PKD1: variants seen among roughly 807,000 people sequenced by gnomAD.
The protein encoded by PKD1 is polycystin-1.
A neutral mutation model predicts 361.7 loss-of-function variants in PKD1; 81 were observed. The ratio of observed to expected loss-of-function variants is 0.22; its 90% CI spans 0.19 to 0.27. The LOEUF is 0.27. Among genes scored for constraint, PKD1 ranks in the 10% least tolerant of loss-of-function variants. The probability of loss-of-function intolerance (pLI) is 1.00; values close to 1 mark genes in which losing one functional copy is unlikely to be tolerated. For synonymous variants in PKD1, 3,615 were observed against 2,818.3 expected (o/e 1.28, Z -8.95); for missense variants, 6,399 against 6,118.3 (o/e 1.05, Z -1.53).
chr16:2,103,397 T>G lies in PKD1; in HGVS notation c.8660A>C (p.His2887Pro). The G allele has an allele frequency of 6.3e-7, 1 of 1,599,650 alleles. No individual in the cohort carries two copies. The highest frequency in any genetic ancestry group is 8.5e-7 in the Non-Finnish European group (1 of 1,179,424). ...GTTGGCGGAGTTGGCGGAGCTGCGG[T>G]GGCCCCGGGCAGCCCAGTCCGAGTT... Reference protein sequence around the residue: ...PNNSDWAARGHRSSANSANSV... With the variant: ...PNNSDWAARGPRSSANSANSV... Residue 2887 changes from histidine to proline, a missense_variant, in exon 23 of 46, where the codon CAC becomes CCC. Transcript: ENST00000262304.
chr16:2,089,718 G>A lies in PKD1; in HGVS notation c.*9C>T, dbSNP rs367762249. On this transcript the variant is annotated 3_prime_UTR_variant, in exon 46 of 46. Transcript: ENST00000262304. ...CGACTCCACGGCCCACCCCCGCCAG[G>A]AAGGAGGACTAAGTGCTGCTGGGGT... is the stretch of plus-strand genomic sequence containing the variant. 2 of 1,574,418 alleles carry A rather than the reference G, an allele frequency of 1.3e-6. No individual in the cohort carries two copies. Among genetic ancestry groups the A allele is most frequent in the Admixed American group, 1.9e-5 (1 of 53,200 alleles).
chr16:2,100,078 G>A lies in PKD1; in HGVS notation c.9713-7C>T. On this transcript the variant is annotated splice_polypyrimidine_tract_variant and splice_region_variant and intron_variant, in intron 28 of 45. Transcript: ENST00000262304. This position sits in a 1 kb window ranked among gnomAD's most constrained non-coding sequence, Gnocchi z 4.4. ...CGCAAAAGGGCTGCGTCGCCTAGAA[G>A]GCAGGGAGGGCCGCACTGCAGGAGG... is the stretch of plus-strand genomic sequence containing the variant. The A allele has an allele frequency of 3.1e-6, 5 of 1,602,830 alleles. No individual in the cohort carries two copies. The highest frequency in any genetic ancestry group is 1.3e-5 in the African/African-American group (1 of 74,782).
intron 1 of PKD1, chr16:2,120,082 C>T (rs1461979522): frequency 6.1e-5 from 35 of 572,948 alleles, no homozygotes; most frequent in Middle Eastern, 4.6e-4. Flanking sequence ...TGGCGGCATG[C>T]GCCTGGGGTC....
Position 2,104,363 on chromosome 16 carries a change from T to G in PKD1, c.8161+135A>C, listed in dbSNP as rs1404140874. On this transcript the variant is annotated intron_variant, in intron 22 of 45. Coordinates refer to ENST00000262304, the MANE Select transcript of PKD1 (RefSeq NM_001009944.3). ...GAGAATGGGAATTGGGGGAGGGGGA[T>G]GAGGATGGGAATTGGGGGGAGGGGA... 670 of 437,606 alleles carry G rather than the reference T, an allele frequency of 1.5e-3. 10 individuals are homozygous for G. Among genetic ancestry groups the G allele is most frequent in the South Asian group, 8.0e-3 (398 of 49,844 alleles). The allele number at this position is 437,606 out of a possible 1,614,324, so 27.1% of individuals were successfully genotyped here. A position where few individuals can be genotyped will look rare whatever the true frequency, so the allele number is the denominator to read the frequency against.
chr16:2,112,272 G>T, intron 14 of PKD1, 68 bp downstream of exon 14: 3 of 1,382,006 alleles, frequency 2.2e-6, no homozygotes, highest in East Asian at 2.4e-5. Flanking sequence ...CAGCTTGACT[G>T]GGGAGCTGGG....
chr16:2,130,360 T>G (rs2092857277), intron 1 of PKD1, among the ~76,000 whole-genome samples: 1 of 152,122 alleles, frequency 6.6e-6, no homozygotes, highest in Non-Finnish European at 1.5e-5. Context: ...TTGGGGACTC[T>G]CTCTGGGCAG....
chr16:2,095,441 C>T (rs1256958920), intron 34 of PKD1: 2 of 152,208 alleles, frequency 1.3e-5, no homozygotes, highest in African/African-American at 2.4e-5. Context: ...AATAACCCAG[C>T]CTCAACTATT....
rs1317093765 is a variant in PKD1, at chr16:2,091,840, G to C, written c.11478C>G (p.Ser3826Arg). 1.2e-6 allele frequency: 2 copies of C among 1,610,192 alleles called. No individual in the cohort carries two copies. Among genetic ancestry groups the C allele is most frequent in the Non-Finnish European group, 1.7e-6 (2 of 1,179,078 alleles). ...GCAGCCGGTCGCGGCTCTCCTCCAGGCTCAGGCCCAGCTCCTGCACGTAGC... is the reference window on the plus strand; with the variant it reads ...GCAGCCGGTCGCGGCTCTCCTCCAGCCTCAGGCCCAGCTCCTGCACGTAGC... Reference protein sequence around the residue: ...SGGYVQELGLSLEESRDRLRF... With the variant: ...SGGYVQELGLRLEESRDRLRF... Residue 3826 changes from serine (S) to arginine (R), a missense_variant, in exon 41 of 46, where the codon AGC (serine) becomes AGG (arginine). Coordinates refer to ENST00000262304, the MANE Select transcript of PKD1 (RefSeq NM_001009944.3).
chr16:2,097,295 C>G, intron 33 of PKD1, 24 bp downstream of exon 33: 1 of 1,611,300 alleles, frequency 6.2e-7, no homozygotes, highest in Non-Finnish European at 8.5e-7. Context: ...AGCTTCAGAG[C>G]CCCCTCCTCT....
intron 37 of PKD1, 96 bp from the exon 38 acceptor site, chr16:2,093,189 G>C (rs560694208): frequency 1.4e-6 from 2 of 1,467,638 alleles, no homozygotes; most frequent in Non-Finnish European, 1.9e-6. Context: ...GGCAGGTGTG[G>C]CTGCAGGAAG....
Position 2,091,136 on chromosome 16 carries a change from G to GGCCA in PKD1, c.11747_11750dup (p.Glu3918GlyfsTer44). The GGCCA allele has an allele frequency of 6.7e-7, 1 of 1,483,028 alleles. No individual in the cohort carries two copies. The allele number at this position is 1,483,028 out of a possible 1,614,324, so 91.9% of individuals were successfully genotyped here. ...CTTCCCTGTGCCAAGTACGGGCCTC[G>GGCCA]GCCACGGCGAAGTGCACGGCGAACA... On this transcript the variant is annotated frameshift_variant, in exon 43 of 46. Coordinates refer to ENST00000262304, the MANE Select transcript of PKD1 (RefSeq NM_001009944.3). LOFTEE classifies it high-confidence loss of function.
rs2092321567 is a variant in PKD1, at chr16:2,105,928, C to T, written c.7800G>A (p.Leu2600=). 6.3e-7 allele frequency: 1 copy of T among 1,597,556 alleles called. No homozygotes were observed. The highest frequency in any genetic ancestry group is 1.3e-5 in the African/African-American group (1 of 74,858). The change falls in exon 20 of 46, where the codon CTG becomes CTA. Residue 2600 remains leucine, a synonymous_variant. Coordinates refer to ENST00000262304, the MANE Select transcript of PKD1 (RefSeq NM_001009944.3). The part of the protein sequence containing the change: ...GLTASVLPGL[L]RQADPQHVIE... ...TGACGTGCTGGGGATCGGCCTGCCG[C>T]AGCAGCCCTGGGAGCACACTAGCGG...
intron 21 of PKD1, 52 bp downstream of exon 21, chr16:2,105,270 C>A (rs1222076616): frequency 1.3e-6 from 2 of 1,581,972 alleles, no homozygotes; most frequent in Non-Finnish European, 1.7e-6. Flanking sequence ...GGGGCTGAAC[C>A]CAGTGCCCTG....
At chr16:2,129,785 A>C (rs1280019960) in intron 1 of PKD1, among the ~76,000 whole-genome samples, 1 of 151,494 alleles carries the variant, frequency 6.6e-6, no homozygotes, top group Non-Finnish European at 1.5e-5. Context: ...TCCTGGGCTC[A>C]AGCGATCCAC....
In PKD1 at chr16:2,101,907, C is replaced by T. The variant is rs568364201; in HGVS notation, c.9397+154G>A. 297 of 657,830 alleles carry T rather than the reference C, an allele frequency of 4.5e-4. 2 individuals carry two copies. In the African/African-American group the frequency reaches 4.6e-3, roughly 10 times the overall value. The allele number at this position is 657,830 out of a possible 1,614,324, so 40.7% of individuals were successfully genotyped here. A position where few individuals can be genotyped will look rare whatever the true frequency, so the allele number is the denominator to read the frequency against. On this transcript the variant is annotated intron_variant, in intron 26 of 45. Transcript: ENST00000262304. ...AGTCCTCAGGGACAGTGAGTGCTCA[C>T]GAGGTCATTCCCAGGATGAACACAC...
Position 2,089,789 on chromosome 16 carries a change from C to A in PKD1, c.12850G>T (p.Ala4284Ser), listed in dbSNP as rs115858043. 1 of 1,597,648 alleles carries A rather than the reference C, an allele frequency of 6.3e-7. No homozygotes were observed. The highest frequency in any genetic ancestry group is 8.5e-7 in the Non-Finnish European group (1 of 1,173,252). ...LARASRGVDL[A>S]TGPSRTPLRA... ...AGGGGTGTCCTGCTGGGGCCAGTGG[C>A]CAGGTCCACACCCCGACTGGCCCGG... The change falls in exon 46 of 46, where the codon GCC (alanine) becomes TCC (serine). Residue 4284 changes from alanine (A) to serine (S), a missense_variant. Physicochemically the swap from Ala to Ser is moderately conservative, Grantham distance 99. Coordinates refer to ENST00000262304, the MANE Select transcript of PKD1 (RefSeq NM_001009944.3).
Position 2,091,385 on chromosome 16 carries a change from C to G in PKD1, c.11712+38G>C, listed in dbSNP as rs2091565705. On this transcript the variant is annotated intron_variant, in intron 42 of 45. Transcript: ENST00000262304. ...GCCCCGCGAGGGGGCGGGACGCTGC[C>G]GGTGGGAGGCGCGGGGTCTGGCCGG... 3 of 1,061,046 alleles carry G rather than the reference C, an allele frequency of 2.8e-6. No homozygotes were observed. The African/African-American group carries it at 6.3e-5, about 22-fold the overall frequency. 65.7% of individuals were successfully genotyped at this position (1,061,046 alleles called of 1,614,324 possible).
intron 1 of PKD1, among the ~76,000 whole-genome samples, chr16:2,122,010 G>C (rs1359878134): frequency 6.6e-6 from 1 of 152,242 alleles, no homozygotes; most frequent in Non-Finnish European, 1.5e-5. Context: ...GCTCCCACAG[G>C]AGCCTACCCG....
rs547060151 is a variant in PKD1, at chr16:2,105,565, C to T, written c.7864-91G>A. 7.5e-6 allele frequency: 12 copies of T among 1,594,298 alleles called. No individual in the cohort carries two copies. In the African/African-American group the frequency reaches 1.1e-4, roughly 14 times the overall value. ...GCCCACGACTCCCGGGGTGCAGTTA[C>T]GTGCTAGACGCTGTGTGATGCGGGC... On this transcript the variant is annotated intron_variant, in intron 20 of 45. Transcript: ENST00000262304.
Sources: allele counts gnomAD v4.1 joint callset (sites outside exome capture counted in the v4.1 genomes callset), GRCh38; gene constraint gnomAD v4.1.1; non-coding constraint Gnocchi (gnomAD v3.1); transcripts MANE v1.5; gene names NCBI Gene and HGNC (gene_info 2026-07-23, HGNC 2026-07-21).